Variants in PSMA8 observed in about 807,000 individuals in gnomAD.
PSMA8 encodes proteasome subunit alpha-type 8.
In PSMA8, 18 loss-of-function variants were observed where a neutral mutation model predicts 32.4. The ratio of observed to expected loss-of-function variants is 0.56; its 90% confidence interval spans 0.38 to 0.82. The LOEUF (loss-of-function observed/expected upper bound fraction) is 0.82. Ranked by LOEUF, PSMA8 falls within the 40% of genes least tolerant of loss-of-function variation. The pLI is 0.00. For synonymous variants in PSMA8, 104 were observed against 98.1 expected, an observed-to-expected ratio of 1.06 and a Z score of -0.36; for missense variants, 298 against 300.7, an observed-to-expected ratio of 0.99 and a Z score of 0.07.
chr18:26,169,854 A>T (rs1318072405), intron 4 of PSMA8, among the ~76,000 whole-genome samples: 2 of 109,360 alleles, frequency 1.8e-5, no homozygotes, highest in Non-Finnish European at 3.3e-5. Flanking sequence ...CTAAAAAAAA[A>T]AGAACTTACA....
At chr18:26,185,125 A>G (rs946305820) in intron 6 of PSMA8, among the ~76,000 whole-genome samples, 1 of 149,628 alleles carries the variant, frequency 6.7e-6, no homozygotes, top group Non-Finnish European at 1.5e-5. Context: ...TTTGGCAGAC[A>G]TTTGAAAATT....
intron 3 of PSMA8, among the ~76,000 whole-genome samples, chr18:26,154,076 A>G (rs1049768454): frequency 5.3e-5 from 8 of 151,864 alleles, no homozygotes; most frequent in African/African-American, 9.7e-5. Context: ...TAACTTTTGT[A>G]TTTTTTGTAC....
chr18:26,142,457 T>G (rs535454845), intron 1 of PSMA8, among the ~76,000 whole-genome samples: 3 of 152,266 alleles, frequency 2.0e-5, no homozygotes, highest in Admixed American at 1.3e-4. Context: ...AACTTTCCTC[T>G]AAAAAAGAGG....
intron 6 of PSMA8, among the ~76,000 whole-genome samples, chr18:26,187,110 C>T (rs940040891): frequency 6.6e-6 from 1 of 152,198 alleles, no homozygotes; most frequent in Non-Finnish European, 1.5e-5. Flanking sequence ...TTTGGGAGGC[C>T]AAGGCGGCCA....
At chr18:26,152,147 G>T (rs971352031) in intron 3 of PSMA8, among the ~76,000 whole-genome samples, 165 bp downstream of exon 3, 1 of 151,802 alleles carries the variant, frequency 6.6e-6, no homozygotes, top group African/African-American at 2.4e-5. Context: ...CCAGTAAAAT[G>T]GATTGATTTA....
chr18:26,179,126 T>C lies in PSMA8; in HGVS notation c.656T>C (p.Leu219Ser), dbSNP rs2055288290. ...ELAIIRRNQPLKMFSAKEVEL... is the reference protein window; with the variant it reads ...ELAIIRRNQPSKMFSAKEVEL... ...GCTATAATAAGAAGAAATCAACCTT[T>C]GAAGGTAAGTCATTAACCAAAGAGG... Residue 219 changes from leucine (L) to serine (S), a missense_variant, in exon 6 of 7, where the codon TTG becomes TCG. Transcript: ENST00000415576. 6.2e-7 allele frequency: 1 copy of C among 1,609,540 alleles called. No individual in the cohort carries two copies.
At chr18:26,161,331 A>C (rs1357385643) in intron 4 of PSMA8, among the ~76,000 whole-genome samples, 1 of 152,228 alleles carries the variant, frequency 6.6e-6, no homozygotes, top group Non-Finnish European at 1.5e-5. Context: ...ATGAATTACT[A>C]GTTTATGGCT....
intron 4 of PSMA8, among the ~76,000 whole-genome samples, chr18:26,158,903 T>G (rs772371221): frequency 1.3e-5 from 2 of 152,028 alleles, no homozygotes; most frequent in Non-Finnish European, 2.9e-5. Flanking sequence ...AGTCCAGAAT[T>G]TTGAGGTTAC....
At chr18:26,137,131 C>T (rs11083161) in intron 1 of PSMA8, among the ~76,000 whole-genome samples, 16,002 of 152,154 alleles carry the variant, frequency 0.11, 1,365 homozygotes, top group African/African-American at 0.21. Context: ...CTTCACTAAG[C>T]TTCAGTTTCT....
rs996899900 is a variant in PSMA8, at chr18:26,153,120, A to AT, written c.354+1147dup. Among the ~76,000 whole-genome samples the AT allele has an allele frequency of 4.9e-4, 74 of 151,350 alleles. 1 individual carries two copies. The highest frequency in any genetic ancestry group is 1.4e-3 in the African/African-American group (56 of 41,258). ...AAGTATAATCATGATGTCTACAACT[A>AT]TTTTTTTTTACTAATTTTAAGTATA... is the stretch of plus-strand genomic sequence containing the variant. On this transcript the variant is annotated intron_variant, in intron 3 of 6. Transcript: ENST00000415576.
At chr18:26,175,416 G>A (rs2055256185) in intron 4 of PSMA8, among the ~76,000 whole-genome samples, 1 of 152,188 alleles carries the variant, frequency 6.6e-6, no homozygotes, top group Non-Finnish European at 1.5e-5. Flanking sequence ...TTGACACCAT[G>A]GAGTGCTCTG....
At chr18:26,166,711 G>A (rs186102448) in intron 4 of PSMA8, among the ~76,000 whole-genome samples, 1 of 152,094 alleles carries the variant, frequency 6.6e-6, no homozygotes, top group African/African-American at 2.4e-5. Flanking sequence ...AAATAACCAT[G>A]GTTATTAGGA....
At chr18:26,147,020 A>G (rs1473986323) in intron 2 of PSMA8, among the ~76,000 whole-genome samples, 1 of 152,000 alleles carries the variant, frequency 6.6e-6, no homozygotes, top group Non-Finnish European at 1.5e-5. Context: ...GGTGCCAAAT[A>G]CACTTAAACA....
At chr18:26,170,223 G>A (rs1184907412) in intron 4 of PSMA8, among the ~76,000 whole-genome samples, 1 of 125,414 alleles carries the variant, frequency 8.0e-6, no homozygotes, top group Admixed American at 7.7e-5. Flanking sequence ...ATCTGCTTTG[G>A]GTTCCCCAAT....
chr18:26,165,071 C>G (rs1002235294), intron 4 of PSMA8, among the ~76,000 whole-genome samples: 10 of 152,132 alleles, frequency 6.6e-5, no homozygotes, highest in African/African-American at 1.9e-4. Flanking sequence ...GTGCCTGCCA[C>G]CATGCCAAGT....
intron 6 of PSMA8, among the ~76,000 whole-genome samples, chr18:26,190,731 C>T (rs1224058838): frequency 1.3e-5 from 2 of 152,138 alleles, no homozygotes; most frequent in Non-Finnish European, 2.9e-5. Context: ...CTGTAGGCAG[C>T]AGAGCAAGAC....
At chr18:26,176,129 C>T (rs73944491) in intron 4 of PSMA8, among the ~76,000 whole-genome samples, 3,494 of 145,836 alleles carry the variant, frequency 0.024, 122 homozygotes, top group African/African-American at 0.082. Flanking sequence ...GGTGATGGGG[C>T]AAGGGAGGGT....
intron 1 of PSMA8, 45 bp downstream of exon 1, chr18:26,134,112 C>G (rs2054889034): frequency 6.9e-7 from 1 of 1,445,284 alleles, no homozygotes; most frequent in African/African-American, 1.4e-5. Context: ...TCTGACCTGT[C>G]AGGCCATCGT....
At chr18:26,181,718 G>A (rs1046462524) in intron 6 of PSMA8, among the ~76,000 whole-genome samples, 11 of 152,302 alleles carry the variant, frequency 7.2e-5, no homozygotes, top group African/African-American at 1.2e-4. Context: ...CAGGCCAGGC[G>A]TGGTGGCACG....
Sources: gnomAD v4.1 joint callset for allele counts (sites outside exome capture counted in the v4.1 genomes callset) on GRCh38, gnomAD v4.1.1 for gene constraint, MANE v1.5 for transcripts, NCBI Gene and HGNC (gene_info 2026-07-23, HGNC 2026-07-21) for gene names.